RCAN2: variants seen among roughly 807,000 people sequenced by gnomAD.
RCAN2 encodes the protein calcipressin-2.
Under a neutral mutation model 23.6 loss-of-function variants are expected in RCAN2, and 9 were observed. That is an observed-to-expected ratio of 0.38 (90% confidence interval 0.23 to 0.67). The LOEUF is 0.67. Among genes scored for constraint, RCAN2 ranks in the 30% least tolerant of loss-of-function variants. RCAN2 has a pLI of 0.51. For missense variants in RCAN2, 273 were observed against 302.3 expected, an observed-to-expected ratio of 0.90 and a Z score of 0.72; for synonymous variants, 109 against 115.7, an observed-to-expected ratio of 0.94 and a Z score of 0.37.
At chr6:46,382,405 C>T (rs1190141545) in intron 2 of RCAN2, among the ~76,000 whole-genome samples, 2 of 152,106 alleles carry the variant, frequency 1.3e-5, no homozygotes, top group African/African-American at 4.8e-5. Flanking sequence ...AGTCCTAGAA[C>T]CCTTAGAAAG....
At chr6:46,359,400 C>A (rs1476838101) in intron 2 of RCAN2, among the ~76,000 whole-genome samples, 1 of 152,164 alleles carries the variant, frequency 6.6e-6, no homozygotes, top group Non-Finnish European at 1.5e-5. Flanking sequence ...GAGAAGACAG[C>A]AAAGATGTAC....
intron 2 of RCAN2, among the ~76,000 whole-genome samples, chr6:46,317,823 G>A (rs1476884262): frequency 2.0e-5 from 3 of 152,146 alleles, no homozygotes; most frequent in Non-Finnish European, 2.9e-5. Flanking sequence ...TTTCGATAGT[G>A]GAAAGAACAG....
chr6:46,245,132 A>G (rs576409079), intron 4 of RCAN2, among the ~76,000 whole-genome samples: 1 of 152,340 alleles, frequency 6.6e-6, no homozygotes, highest in East Asian at 1.9e-4. Flanking sequence ...TTTCACTAAC[A>G]TCTCTCTTAT....
chr6:46,365,106 T>C (rs1238235686), intron 2 of RCAN2, among the ~76,000 whole-genome samples: 1 of 152,152 alleles, frequency 6.6e-6, no homozygotes, highest in Non-Finnish European at 1.5e-5. Flanking sequence ...CCCAATGTAA[T>C]AATAATATAA....
At chr6:46,264,576 T>A (rs1257472864) in intron 2 of RCAN2, among the ~76,000 whole-genome samples, 2 of 152,180 alleles carry the variant, frequency 1.3e-5, no homozygotes, top group Non-Finnish European at 2.9e-5. Context: ...ATTAAATCTC[T>A]CATGTTCAAA....
chr6:46,332,900 A>G (rs371811702), intron 2 of RCAN2, among the ~76,000 whole-genome samples: 5,133 of 152,238 alleles, frequency 0.034, 266 homozygotes, highest in African/African-American at 0.11. Context: ...TTCCACAATG[A>G]TTGAACTAGT....
chr6:46,489,177 A>G (rs1037485833), intron 1 of RCAN2, among the ~76,000 whole-genome samples: 1 of 152,140 alleles, frequency 6.6e-6, no homozygotes, highest in African/African-American at 2.4e-5. Context: ...CCCCTTCTCT[A>G]GACAACTCCT....
chr6:46,398,911 A>AATAT (rs60915055), intron 2 of RCAN2, among the ~76,000 whole-genome samples: 12 of 149,156 alleles, frequency 8.0e-5, no homozygotes, highest in South Asian at 6.4e-4. Context: ...GTCTTTTATA[A>AATAT]ATATATATAT....
chr6:46,283,959 C>T (rs148651949), intron 2 of RCAN2, among the ~76,000 whole-genome samples: 371 of 152,202 alleles, frequency 2.4e-3, no homozygotes, highest in African/African-American at 8.2e-3. Context: ...GACCTAGTTG[C>T]TGAATCTAGG....
chr6:46,377,435 C>A (rs950660126), intron 2 of RCAN2, among the ~76,000 whole-genome samples: 137 of 152,340 alleles, frequency 9.0e-4, no homozygotes, highest in African/African-American at 3.1e-3. Context: ...CCCAGTGGAA[C>A]TACCAGGGTC....
intron 1 of RCAN2, among the ~76,000 whole-genome samples, chr6:46,476,014 G>A (rs1383292045): frequency 6.6e-6 from 1 of 152,214 alleles, no homozygotes; most frequent in Non-Finnish European, 1.5e-5. Context: ...CACTGGTGAA[G>A]AAGGGGTAGT....
chr6:46,362,380 T>C (rs978673082), intron 2 of RCAN2, among the ~76,000 whole-genome samples: 1 of 152,008 alleles, frequency 6.6e-6, no homozygotes, highest in Non-Finnish European at 1.5e-5. Context: ...GTATTGGAGG[T>C]ATAATATAAG....
At chr6:46,286,768 C>T (rs761453082) in intron 2 of RCAN2, among the ~76,000 whole-genome samples, 6 of 151,698 alleles carry the variant, frequency 4.0e-5, no homozygotes, top group Non-Finnish European at 7.4e-5. Flanking sequence ...TTTGGGAGGC[C>T]GAGGCAGGTG....
intron 2 of RCAN2, among the ~76,000 whole-genome samples, chr6:46,299,843 GTTA>G (rs1314930661): frequency 6.6e-6 from 1 of 151,856 alleles, no homozygotes; most frequent in African/African-American, 2.4e-5. Context: ...CTCAGTAATT[GTTA>G]TTATAATTGC....
chr6:46,425,701 T>C (rs1435999774), intron 2 of RCAN2, among the ~76,000 whole-genome samples: 1 of 152,128 alleles, frequency 6.6e-6, no homozygotes, highest in East Asian at 1.9e-4. Flanking sequence ...AGTTATAATT[T>C]ATGTGCCTAC....
chr6:46,433,143 T>C (rs1317959822), intron 2 of RCAN2, among the ~76,000 whole-genome samples: 2 of 152,124 alleles, frequency 1.3e-5, no homozygotes, highest in African/African-American at 4.8e-5. Context: ...AGTGATCCTT[T>C]TTAGAATGCT....
intron 1 of RCAN2, among the ~76,000 whole-genome samples, chr6:46,459,375 A>G (rs1043704800): frequency 2.0e-5 from 3 of 152,226 alleles, no homozygotes; most frequent in African/African-American, 7.2e-5. Context: ...ATTTTTCCAA[A>G]AAAAATCTAA....
At chr6:46,262,068 C>A (rs77028651) in intron 2 of RCAN2, among the ~76,000 whole-genome samples, 2 of 152,136 alleles carry the variant, frequency 1.3e-5, no homozygotes, top group Non-Finnish European at 2.9e-5. Flanking sequence ...TTTAGACAAA[C>A]CCATTTCCAG....
intron 2 of RCAN2, among the ~76,000 whole-genome samples, chr6:46,405,715 C>T (rs1472658777): frequency 6.6e-6 from 1 of 152,216 alleles, no homozygotes; most frequent in Non-Finnish European, 1.5e-5. Context: ...TAGTAGATCT[C>T]GCACCGGGGC....
Sources: allele counts gnomAD v4.1 joint callset (sites outside exome capture counted in the v4.1 genomes callset), GRCh38; gene constraint gnomAD v4.1.1; transcripts MANE v1.5; gene names NCBI Gene and HGNC (gene_info 2026-07-23, HGNC 2026-07-21).